The following AGBL1 variants were observed in gnomAD, a reference collection of about 807,000 sequenced individuals.
AGBL1 encodes the protein cytosolic carboxypeptidase 4.
Under a neutral mutation model 118.9 loss-of-function variants are expected in AGBL1, and 130 were observed. The observed-to-expected ratio is 1.09, with a 90% CI of 0.95 to 1.26. The LOEUF (loss-of-function observed/expected upper bound fraction) is 1.26, where lower values mean the gene tolerates loss of function less well. Ranked by LOEUF, AGBL1 falls within the 50% of genes most tolerant of loss-of-function variation. AGBL1 has a pLI of 0.00. For missense variants in AGBL1, 1,584 were observed against 1,298.1 expected, an observed-to-expected ratio of 1.22 and a Z score of -3.38; for synonymous variants, 555 against 478.9, an observed-to-expected ratio of 1.16 and a Z score of -2.08.
chr15:86,168,512 G>A (rs548151871), intron 5 of AGBL1, among the ~76,000 whole-genome samples: 21 of 152,176 alleles, frequency 1.4e-4, no homozygotes, highest in African/African-American at 4.6e-4. Context: ...AGATTTATGT[G>A]CAAAAATATC....
chr15:86,100,752 C>G (rs1301847749), intron 1 of AGBL1, among the ~76,000 whole-genome samples: 1 of 151,740 alleles, frequency 6.6e-6, no homozygotes, highest in Non-Finnish European at 1.5e-5. Flanking sequence ...TCATTTGGGT[C>G]TTTCCTCTTT....
chr15:86,341,407 G>C (rs2080460048), intron 17 of AGBL1, among the ~76,000 whole-genome samples: 1 of 151,992 alleles, frequency 6.6e-6, no homozygotes, highest in Non-Finnish European at 1.5e-5. Flanking sequence ...CCTACCCTGA[G>C]GTCATTCTTG....
chr15:86,902,402 A>G (rs1350659241), intron 22 of AGBL1, among the ~76,000 whole-genome samples: 2 of 152,096 alleles, frequency 1.3e-5, no homozygotes. Flanking sequence ...ATAGTAAAAA[A>G]CACCACACAA....
At position 86,674,287 on chromosome 15, in the gene AGBL1, T is replaced by C. The variant is rs747554784; in HGVS notation, c.3009T>C (p.Gly1003=). ...NQGPYQGLQF[G]TRELEEMGAM... ...TTAACTGGCAGGGTCTACAGTTTGG[T>C]ACCAGAGAACTGGAGGAGATGGGAG... Residue 1003 remains glycine (G), a synonymous_variant, in exon 22 of 23, where the codon GGT becomes GGC. Coordinates refer to ENST00000614907, the MANE Select transcript of AGBL1 (RefSeq NM_001386094.1). The C allele has an allele frequency of 6.8e-6, 11 of 1,610,882 alleles. No individual in the cohort carries two copies. The highest frequency in any genetic ancestry group is 3.4e-5 in the Admixed American group (2 of 59,644).
intron 1 of AGBL1, 105 bp downstream of exon 1, chr15:86,080,128 A>C (rs1333133184): frequency 1.1e-6 from 1 of 908,036 alleles, no homozygotes; most frequent in African/African-American, 1.7e-5. Flanking sequence ...TCACTGGCCC[A>C]GTTTGTTAAC....
intron 23 of AGBL1, among the ~76,000 whole-genome samples, chr15:86,966,522 G>A (rs2081054660): frequency 1.3e-5 from 2 of 151,972 alleles, no homozygotes; most frequent in South Asian, 2.1e-4. Context: ...TCCCCTTCCT[G>A]TGTCCAAGTC....
intron 22 of AGBL1, among the ~76,000 whole-genome samples, chr15:86,721,976 A>G (rs1235424205): frequency 2.0e-5 from 3 of 152,150 alleles, no homozygotes; most frequent in African/African-American, 7.2e-5. Flanking sequence ...TTCAAGGAGA[A>G]CTACAAACCA....
At chr15:86,716,245 G>T (rs2086636938) in intron 22 of AGBL1, among the ~76,000 whole-genome samples, 1 of 151,968 alleles carries the variant, frequency 6.6e-6, no homozygotes, top group South Asian at 2.1e-4. Context: ...GCTATACACT[G>T]CAGAGTGTTA....
intron 3 of AGBL1, among the ~76,000 whole-genome samples, chr15:86,152,940 G>A (rs373156652): frequency 6.6e-6 from 1 of 152,158 alleles, no homozygotes; most frequent in Admixed American, 6.5e-5. Context: ...TCAGAGAAAT[G>A]CAAATCAAAA....
intron 21 of AGBL1, among the ~76,000 whole-genome samples, chr15:86,574,048 C>A (rs550493591): frequency 6.8e-4 from 103 of 150,716 alleles, no homozygotes; most frequent in African/African-American, 2.3e-3. Context: ...AACAAACAAA[C>A]AAAAAAAAAC....
rs796970524 is a variant in AGBL1, at chr15:86,331,060, G to C, written c.2374+35652G>C. 2.0e-3 allele frequency among the ~76,000 whole-genome samples: 308 copies of C among 151,738 alleles called. 2 individuals carry two copies. Among genetic ancestry groups the C allele is most frequent in the African/African-American group, 7.2e-3 (296 of 41,380 alleles). ...CCAACATGGTGAAACCCTGTCTCTA[G>C]TAAAAATACAAAAATTAGCCAGGCA... On this transcript the variant is annotated intron_variant, in intron 17 of 22. Transcript: ENST00000614907.
rs567679729 is a variant in AGBL1 at position 86,256,927 on chromosome 15, G to A, written c.810G>A (p.Thr270=). The A allele has an allele frequency of 8.7e-6, 14 of 1,613,884 alleles. No homozygotes were observed. In the East Asian group the frequency reaches 2.2e-4, roughly 26 times the overall value. ...AGATCCTGAGGCAGTGCTACCCTACGAGTCCACTTCCCTTGGTCACAGCCA... is the reference window on the plus strand; with the variant it reads ...AGATCCTGAGGCAGTGCTACCCTACAAGTCCACTTCCCTTGGTCACAGCCA... ...VLQILRQCYP[T]SPLPLVTASS... Residue 270 remains threonine, a synonymous_variant, in exon 8 of 23, where the codon ACG becomes ACA. Coordinates refer to ENST00000614907, the MANE Select transcript of AGBL1 (RefSeq NM_001386094.1).
chr15:86,730,595 G>T (rs2077513954), intron 22 of AGBL1, among the ~76,000 whole-genome samples: 1 of 152,030 alleles, frequency 6.6e-6, no homozygotes, highest in African/African-American at 2.4e-5. Flanking sequence ...AAGTGCATGG[G>T]CTGCCATTTG....
rs1394881123 is a variant in AGBL1, at chr15:86,357,921, T to C, written c.2375-39445T>C. ...CTGACAAATAAAAATTCTATATATT[T>C]AAGAGGTATGCAACATGATGTTTTG... On this transcript the variant is annotated intron_variant, in intron 17 of 22. Coordinates refer to ENST00000614907, the MANE Select transcript of AGBL1 (RefSeq NM_001386094.1). Among the ~76,000 whole-genome samples, 4 of 152,224 alleles carry C rather than the reference T, an allele frequency of 2.6e-5. No individual in the cohort carries two copies. In the East Asian group the frequency reaches 7.7e-4, roughly 29 times the overall value.
intron 23 of AGBL1, among the ~76,000 whole-genome samples, chr15:86,958,578 A>T (rs909192898): frequency 4.6e-5 from 7 of 152,214 alleles, no homozygotes; most frequent in Non-Finnish European, 1.0e-4. Flanking sequence ...AAAACAATTA[A>T]TGAAATAGAT....
chr15:86,457,876 C>T lies in AGBL1; in HGVS notation c.2555+60330C>T, dbSNP rs138823272. On this transcript the variant is annotated intron_variant, in intron 18 of 22. Coordinates refer to ENST00000614907, the MANE Select transcript of AGBL1 (RefSeq NM_001386094.1). ...ATAATTCCTCTAAGACCTCTCTGGG[C>T]CTGGGATTAGTGAGTGCCCCCGATT... is the stretch of plus-strand genomic sequence containing the variant. 3.5e-4 allele frequency among the ~76,000 whole-genome samples: 54 copies of T among 152,268 alleles called. No individual in the cohort carries two copies. The East Asian group carries it at 0.01, about 29-fold the overall frequency.
chr15:86,289,885 G>A (rs992835920), intron 16 of AGBL1, among the ~76,000 whole-genome samples: 14 of 152,278 alleles, frequency 9.2e-5, no homozygotes, highest in Admixed American at 5.2e-4. Flanking sequence ...GCAGGGATTA[G>A]AATATGGGCA....
intron 18 of AGBL1, among the ~76,000 whole-genome samples, chr15:86,399,870 A>G (rs977855226): frequency 3.9e-5 from 6 of 152,266 alleles, no homozygotes; most frequent in Admixed American, 3.9e-4. Flanking sequence ...TTACCTTTTC[A>G]TTTATATAGC....
chr15:86,635,558 G>A (rs960411198), intron 21 of AGBL1, among the ~76,000 whole-genome samples: 1 of 151,718 alleles, frequency 6.6e-6, no homozygotes, highest in East Asian at 1.9e-4. Flanking sequence ...CAGGCTGGAC[G>A]TTTAAGGATC....
Sources: allele counts gnomAD v4.1 joint callset (sites outside exome capture counted in the v4.1 genomes callset), GRCh38; gene constraint gnomAD v4.1.1; transcripts MANE v1.5; gene names NCBI Gene and HGNC (gene_info 2026-07-23, HGNC 2026-07-21).